CARS2: variants seen among roughly 807,000 people sequenced by gnomAD.
CARS2 encodes probable cysteine--tRNA ligase, mitochondrial.
A neutral mutation model predicts 68.8 loss-of-function variants in CARS2; 52 were observed. The observed-to-expected ratio is 0.76, with a 90% CI of 0.61 to 0.95. The LOEUF (loss-of-function observed/expected upper bound fraction) is 0.95. Among genes scored for constraint, CARS2 ranks in the 40% least tolerant of loss-of-function variants. CARS2 has a pLI of 0.00. For synonymous variants in CARS2, 314 were observed against 303.6 expected, an observed-to-expected ratio of 1.03 and a Z score of -0.36; for missense variants, 780 against 754.2, an observed-to-expected ratio of 1.03 and a Z score of -0.40.
At chr13:110,641,658 G>C (rs1351097816) in intron 14 of CARS2, 50 bp from the exon 15 acceptor site, 2 of 1,432,586 alleles carry the variant, frequency 1.4e-6, no homozygotes, top group East Asian at 2.3e-5. Flanking sequence ...ACGTCATGTG[G>C]CACAGGGGGC....
rs750186107 is a variant in CARS2 at position 110,645,974 on chromosome 13, G to A, written c.1310C>T (p.Ser437Phe). The A allele has an allele frequency of 1.2e-6, 2 of 1,612,396 alleles. No homozygotes were observed. Among genetic ancestry groups the A allele is most frequent in the Non-Finnish European group, 1.7e-6 (2 of 1,179,268 alleles). Residue 437 changes from serine (S) to phenylalanine (F), a missense_variant, in exon 12 of 15, where the codon TCC becomes TTC. By Grantham distance (155) the Ser-to-Phe change is radical (BLOSUM62 -2). Transcript: ENST00000257347. ...AHHGNGQLRA[S>F]LKEPEGPRSP... ...ACCTGTTCGTTGAGCTACCTTCAGG[G>A]ACGCCCTGAGCTGTCCATTCCCGTG...
intron 9 of CARS2, 97 bp downstream of exon 9, chr13:110,663,354 G>A (rs2062561152): frequency 1.6e-6 from 2 of 1,242,976 alleles, no homozygotes; most frequent in Non-Finnish European, 2.2e-6. Context: ...AGGGCACTGG[G>A]AATGGGATTC....
exon 1 of CARS2, chr13:110,713,454 C>A (rs979638872): frequency 1.3e-5 from 13 of 991,508 alleles, no homozygotes; most frequent in Non-Finnish European, 1.6e-5. Context: ...AAGTTTGCGC[C>A]TCGCCCGCCG....
intron 6 of CARS2, among the ~76,000 whole-genome samples, chr13:110,677,552 C>A (rs56112855): frequency 1.6e-4 from 16 of 97,888 alleles, no homozygotes; most frequent in Non-Finnish European, 2.9e-4. Flanking sequence ...ACAGCCACCC[C>A]GCCACGGAAA....
rs562244534 is a variant in CARS2 at position 110,676,500 on chromosome 13, T to C, written c.785+474A>G. ...GAGCTTTGGTGACAGAGGACCCACA[T>C]GAGGGTGGCTGGGGGACTCCAGGAA... On this transcript the variant is annotated intron_variant, in intron 7 of 14. Coordinates refer to ENST00000257347, the MANE Select transcript of CARS2 (RefSeq NM_024537.4). The surrounding 1 kb of genome is among the most constrained non-coding windows in gnomAD (Gnocchi z 4.0). 2.6e-5 allele frequency among the ~76,000 whole-genome samples: 4 copies of C among 151,996 alleles called. No homozygotes were observed. Among genetic ancestry groups the C allele is most frequent in the African/African-American group, 9.7e-5 (4 of 41,398 alleles).
intron 13 of CARS2, 46 bp from the exon 14 acceptor site, chr13:110,642,567 G>T (rs1887513633): frequency 1.4e-6 from 2 of 1,461,552 alleles, no homozygotes. Flanking sequence ...ACTGTGGATT[G>T]TGGATGCCCC....
chr13:110,649,167 G>T (rs1391770638), intron 10 of CARS2: 2 of 152,258 alleles, frequency 1.3e-5, no homozygotes, highest in Admixed American at 6.5e-5. Flanking sequence ...CACAGATGCT[G>T]CACGAGGCCA....
chr13:110,659,347 T>G (rs1355561111), intron 9 of CARS2, among the ~76,000 whole-genome samples: 1 of 152,050 alleles, frequency 6.6e-6, no homozygotes, highest in African/African-American at 2.4e-5. Flanking sequence ...TTGTAAAAGA[T>G]GTATCCTGCT....
chr13:110,674,560 A>G (rs1256746321), intron 7 of CARS2, among the ~76,000 whole-genome samples: 1 of 152,174 alleles, frequency 6.6e-6, no homozygotes, highest in Non-Finnish European at 1.5e-5. Context: ...AATTAATTCA[A>G]GATGGATTAA....
intron 5 of CARS2, among the ~76,000 whole-genome samples, chr13:110,686,847 C>A (rs2063316662): frequency 6.6e-6 from 1 of 152,018 alleles, no homozygotes; most frequent in South Asian, 2.1e-4. Context: ...CATCAGCCAC[C>A]ATGCCTGGCC....
Position 110,641,504 on chromosome 13 carries a change from T to C in CARS2, c.*33A>G. 1.3e-6 allele frequency: 2 copies of C among 1,561,398 alleles called. No individual in the cohort carries two copies. The highest frequency in any genetic ancestry group is 1.8e-6 in the Non-Finnish European group (2 of 1,131,778). ...GACCCTGAGAAGCATGGGTGCGTCT[T>C]GTCGTGAGCAGGTTCATGGCTGTGC... On this transcript the variant is annotated 3_prime_UTR_variant, in exon 15 of 15. Transcript: ENST00000257347.
At chr13:110,702,260 G>T (rs374523881) in intron 2 of CARS2, among the ~76,000 whole-genome samples, 22 of 152,218 alleles carry the variant, frequency 1.4e-4, no homozygotes, top group African/African-American at 4.6e-4. Flanking sequence ...CCATGTTATT[G>T]TATCACTTTA....
intron 5 of CARS2, among the ~76,000 whole-genome samples, chr13:110,684,084 G>A (rs928489252): frequency 2.0e-5 from 3 of 152,112 alleles, no homozygotes; most frequent in South Asian, 2.1e-4. Flanking sequence ...AAGGCTGCCC[G>A]GCTGCAGCCG....
chr13:110,656,305 GACAAA>G (rs1233529534), intron 9 of CARS2, among the ~76,000 whole-genome samples: 3 of 151,850 alleles, frequency 2.0e-5, no homozygotes, highest in Non-Finnish European at 2.9e-5. Context: ...TCTCAAAAAA[GACAAA>G]ACAAAAAGTA....
intron 8 of CARS2, chr13:110,664,333 C>T: frequency 2.6e-6 from 1 of 383,558 alleles, no homozygotes; most frequent in Non-Finnish European, 3.6e-6. Flanking sequence ...CATGGCAACA[C>T]CCGGTCTCTA....
chr13:110,650,605 A>G (rs2062179778), intron 10 of CARS2: 1 of 161,594 alleles, frequency 6.2e-6, no homozygotes, highest in Non-Finnish European at 1.3e-5. Context: ...AACCGTCATC[A>G]CCCATCCAGG....
intron 13 of CARS2, chr13:110,642,825 G>A (rs749291761): frequency 1.6e-6 from 1 of 643,312 alleles, no homozygotes; most frequent in East Asian, 3.1e-5. Flanking sequence ...AACGCTCCCT[G>A]GCTTCCAGAC....
chr13:110,647,368 T>G, intron 10 of CARS2, 129 bp from the exon 11 acceptor site: 1 of 1,184,586 alleles, frequency 8.4e-7, no homozygotes, highest in Non-Finnish European at 1.2e-6. Context: ...CATGTGGCTC[T>G]CACGCCCTCC....
chr13:110,667,053 A>G, intron 8 of CARS2: 3 of 703,940 alleles, frequency 4.3e-6, no homozygotes, highest in Non-Finnish European at 5.2e-6. Flanking sequence ...GTTACATTGT[A>G]CTACTTCAAG....
Sources: gnomAD v4.1 joint callset for allele counts (sites outside exome capture counted in the v4.1 genomes callset) on GRCh38, gnomAD v4.1.1 for gene constraint, Gnocchi (gnomAD v3.1) non-coding constraint, MANE v1.5 for transcripts, NCBI Gene and HGNC (gene_info 2026-07-23, HGNC 2026-07-21) for gene names.